UNC13B: variants seen among roughly 807,000 people sequenced by gnomAD.
UNC13B encodes unc-13 homolog B.
A neutral mutation model predicts 211.0 loss-of-function variants in UNC13B; 144 were observed. The ratio of observed to expected loss-of-function variants is 0.68; its 90% CI spans 0.60 to 0.78. The LOEUF is 0.78. Ranked by LOEUF, UNC13B falls within the 30% of genes least tolerant of loss-of-function variation. UNC13B has a pLI of 0.00. For synonymous variants in UNC13B, 709 were observed against 725.8 expected (o/e 0.98, Z 0.37); for missense variants, 1,777 against 2,002.0 (o/e 0.89, Z 2.14).
chr9:35,170,933 T>G (rs887899326), intron 1 of UNC13B, among the ~76,000 whole-genome samples: 2 of 152,114 alleles, frequency 1.3e-5, no homozygotes, highest in African/African-American at 4.8e-5. Flanking sequence ...CTCAGCCTCC[T>G]GAGTAGCTGG....
intron 11 of UNC13B, among the ~76,000 whole-genome samples, chr9:35,354,995 A>G (rs1832938481): frequency 6.6e-6 from 1 of 152,238 alleles, no homozygotes; most frequent in African/African-American, 2.4e-5. Flanking sequence ...AAAATAACCT[A>G]AAAATTCATC....
chr9:35,280,061 T>C (rs1407222837), intron 7 of UNC13B, among the ~76,000 whole-genome samples: 1 of 152,160 alleles, frequency 6.6e-6, no homozygotes, highest in African/African-American at 2.4e-5. Flanking sequence ...CTGGTTTAAC[T>C]TCTGTCTTTC....
chr9:35,401,929 T>G, intron 37 of UNC13B: 1 of 1,550,048 alleles, frequency 6.5e-7, no homozygotes, highest in Non-Finnish European at 8.7e-7. Context: ...CTACTACCTC[T>G]GACTTGCCTG....
At chr9:35,216,274 T>G (rs1824239501) in intron 1 of UNC13B, among the ~76,000 whole-genome samples, 1 of 152,182 alleles carries the variant, frequency 6.6e-6, no homozygotes, top group Non-Finnish European at 1.5e-5. Flanking sequence ...GGATGGATTG[T>G]TCTGTATTGC....
At chr9:35,297,561 T>TTGTTTTTTTTTTTGTTTGTTTG (rs1554698740) in intron 8 of UNC13B, among the ~76,000 whole-genome samples, 3 of 128,232 alleles carry the variant, frequency 2.3e-5, no homozygotes, top group African/African-American at 5.9e-5. Flanking sequence ...TTTTTTTTTT[T>TTGTTTTTTTTTTTGTTTGTTTG]TTTTTTGAGA....
chr9:35,336,783 A>G (rs1345217412), intron 11 of UNC13B, among the ~76,000 whole-genome samples: 1 of 152,182 alleles, frequency 6.6e-6, no homozygotes, highest in Non-Finnish European at 1.5e-5. Context: ...ATTTTAACAT[A>G]TGAATTTTGG....
chr9:35,261,538 G>A (rs1274463706), intron 7 of UNC13B, among the ~76,000 whole-genome samples: 3 of 150,950 alleles, frequency 2.0e-5, no homozygotes, highest in South Asian at 2.1e-4. Context: ...ATTTTGATAC[G>A]GGCATACAAT....
chr9:35,397,395 C>A (rs1299298268), intron 29 of UNC13B, 85 bp downstream of exon 29: 37 of 1,564,334 alleles, frequency 2.4e-5, no homozygotes, highest in Non-Finnish European at 3.2e-5. Flanking sequence ...CACCTCTCCA[C>A]TGTGGCCTCC....
intron 1 of UNC13B, among the ~76,000 whole-genome samples, chr9:35,192,083 T>C (rs1822690376): frequency 6.6e-6 from 1 of 152,206 alleles, no homozygotes; most frequent in Non-Finnish European, 1.5e-5. Flanking sequence ...AATTTTACCC[T>C]TTTGCCCACA....
At chr9:35,236,289 A>G (rs73499312) in intron 3 of UNC13B, among the ~76,000 whole-genome samples, 180 bp from the exon 4 acceptor site, 3,995 of 152,284 alleles carry the variant, frequency 0.026, 178 homozygotes, top group African/African-American at 0.089. Flanking sequence ...GCAGTTTTCT[A>G]TGGATACCTA....
Position 35,381,133 on chromosome 9 carries a change from C to T in UNC13B, c.10409C>T (p.Ala3470Val), listed in dbSNP as rs748897178. The T allele has an allele frequency of 1.9e-6, 3 of 1,614,012 alleles. No homozygotes were observed. The highest frequency in any genetic ancestry group is 2.5e-6 in the Non-Finnish European group (3 of 1,180,030). ...KRTDKSAVSG[A>V]IRLQISVEIK... ...ACAGACAAATCAGCCGTCTCAGGGG[C>T]TATCCGACTACAAATCAGTGTGGAG... The change falls in exon 19 of 40, where the codon GCT becomes GTT. Residue 3470 changes from alanine to valine, a missense_variant. By Grantham distance (64) the Ala-to-Val change is moderately conservative. Transcript: ENST00000635942.
intron 11 of UNC13B, among the ~76,000 whole-genome samples, chr9:35,333,734 C>T (rs1245484521): frequency 6.6e-6 from 1 of 152,220 alleles, no homozygotes; most frequent in African/African-American, 2.4e-5. Flanking sequence ...ATTTCCCTCT[C>T]TCAAATTCTT....
chr9:35,396,940 A>G lies in UNC13B; in HGVS notation c.11532+3A>G, dbSNP rs769476971. 6 of 1,614,080 alleles carry G rather than the reference A, an allele frequency of 3.7e-6. No individual in the cohort carries two copies. The Admixed American group carries it at 1.0e-4, about 27-fold the overall frequency. On this transcript the variant is annotated splice_donor_region_variant and intron_variant, in intron 28 of 39. Transcript: ENST00000635942. Reference sequence around the variant, plus strand: ...TGGAACGAGATAAGAAGGATGGAGTAAGTCAGGGGCTTTGGCTGCACCGGG... The same window carrying G: ...TGGAACGAGATAAGAAGGATGGAGTGAGTCAGGGGCTTTGGCTGCACCGGG...
At chr9:35,385,572 G>A (rs1181431822) in intron 22 of UNC13B, 152 bp from the exon 23 acceptor site, 1 of 1,387,548 alleles carries the variant, frequency 7.2e-7, no homozygotes, top group East Asian at 2.6e-5. Flanking sequence ...AAAAAGAGAA[G>A]GAGACCTGTA....
At chr9:35,343,955 TA>T (rs1317804249) in intron 11 of UNC13B, among the ~76,000 whole-genome samples, 6 of 152,186 alleles carry the variant, frequency 3.9e-5, no homozygotes, top group African/African-American at 1.4e-4. Flanking sequence ...TTGGGTTAGA[TA>T]AAATATATTA....
chr9:35,370,428 G>A (rs1456517479), intron 13 of UNC13B, 32 bp downstream of exon 13: 4 of 1,602,808 alleles, frequency 2.5e-6, no homozygotes, highest in South Asian at 1.1e-5. Flanking sequence ...GGCATAGGCA[G>A]TAGCCTTGGG....
chr9:35,211,484 T>C (rs1217160079), intron 1 of UNC13B, among the ~76,000 whole-genome samples: 1 of 152,262 alleles, frequency 6.6e-6, no homozygotes, highest in African/African-American at 2.4e-5. Flanking sequence ...AGGTGTATTT[T>C]AACTTATCTA....
intron 17 of UNC13B, 140 bp from the exon 18 acceptor site, chr9:35,380,330 C>T: frequency 1.1e-6 from 1 of 929,152 alleles, no homozygotes; most frequent in Non-Finnish European, 1.6e-6. Flanking sequence ...TTTCTTGGAA[C>T]TTTTGTACTG....
At chr9:35,288,105 C>T (rs886112280) in intron 7 of UNC13B, among the ~76,000 whole-genome samples, 14 of 152,042 alleles carry the variant, frequency 9.2e-5, no homozygotes, top group Non-Finnish European at 1.9e-4. Context: ...TTCTCTCTAC[C>T]CACTCTGCCA....
Sources: gnomAD v4.1 joint callset for allele counts (sites outside exome capture counted in the v4.1 genomes callset) on GRCh38, gnomAD v4.1.1 for gene constraint, MANE v1.5 for transcripts, NCBI Gene and HGNC (gene_info 2026-07-23, HGNC 2026-07-21) for gene names.